SGCD: variants seen among roughly 807,000 people sequenced by gnomAD.
The protein encoded by SGCD is delta-sarcoglycan.
SGCD carries 18 observed loss-of-function variants against 36.6 expected under a neutral mutation model. The ratio of observed to expected loss-of-function variants is 0.49; its 90% confidence interval spans 0.34 to 0.73. The LOEUF is 0.73. Among genes scored for constraint, SGCD ranks in the 30% least tolerant of loss-of-function variants. The pLI is 0.01. For missense variants in SGCD, 387 were observed against 346.7 expected, an observed-to-expected ratio of 1.12 and a Z score of -0.92; for synonymous variants, 133 against 130.6, an observed-to-expected ratio of 1.02 and a Z score of -0.12.
chr5:156,466,109 C>T (rs555276081), intron 3 of SGCD, among the ~76,000 whole-genome samples: 28 of 152,238 alleles, frequency 1.8e-4, no homozygotes, highest in African/African-American at 6.7e-4. Context: ...TAGATAACAC[C>T]GGAAGGCAGC....
intron 1 of SGCD, among the ~76,000 whole-genome samples, chr5:156,012,549 A>T (rs965242095): frequency 1.3e-5 from 2 of 152,176 alleles, no homozygotes. Context: ...GTATTCAGAC[A>T]TATCTATGTC....
intron 3 of SGCD, among the ~76,000 whole-genome samples, chr5:156,463,450 A>G (rs991305058): frequency 1.3e-5 from 2 of 152,108 alleles, no homozygotes; most frequent in African/African-American, 2.4e-5. Context: ...ATAAAGTTCT[A>G]TGGGATTTAG....
At chr5:155,915,318 G>A (rs987917329) in intron 1 of SGCD, among the ~76,000 whole-genome samples, 18 of 151,968 alleles carry the variant, frequency 1.2e-4, no homozygotes, top group Middle Eastern at 3.2e-3. Context: ...AAGGTTTTTC[G>A]TTCCCCAAGA....
At chr5:156,069,973 T>G (rs1160483225) in intron 1 of SGCD, among the ~76,000 whole-genome samples, 3 of 152,082 alleles carry the variant, frequency 2.0e-5, no homozygotes, top group East Asian at 1.9e-4. Context: ...TTTTTGTACA[T>G]TGATTTTGTA....
intron 6 of SGCD, among the ~76,000 whole-genome samples, chr5:156,616,444 A>G (rs73299187): frequency 0.052 from 7,895 of 152,228 alleles, 684 homozygotes; most frequent in African/African-American, 0.18. Context: ...AAAAAAATGC[A>G]AATACTTGTT....
chr5:156,238,895 C>G (rs1295217099), intron 3 of SGCD, among the ~76,000 whole-genome samples: 1 of 152,092 alleles, frequency 6.6e-6, no homozygotes, highest in Non-Finnish European at 1.5e-5. Flanking sequence ...GGAAGAATTC[C>G]TCAAACAGTG....
rs1184936708 is a variant in SGCD at position 156,672,097 on chromosome 5, G to T, written c.575+24561G>T. Among the ~76,000 whole-genome samples, 3 of 152,162 alleles carry T rather than the reference G, an allele frequency of 2.0e-5. No individual in the cohort carries two copies. In the East Asian group the frequency reaches 5.8e-4, roughly 29 times the overall value. ...AATTTGAAAAGGATAAATATCCAAA[G>T]TATATCAGACCCCAAATGTCAGAAT... On this transcript the variant is annotated intron_variant, in intron 7 of 8. Transcript: ENST00000337851.
intron 7 of SGCD, among the ~76,000 whole-genome samples, chr5:156,691,063 C>G (rs1754086932): frequency 6.6e-6 from 1 of 151,620 alleles, no homozygotes; most frequent in South Asian, 2.1e-4. Flanking sequence ...AAAAATTAGC[C>G]AAGAGTGGTG....
chr5:156,329,453 T>G, intron 1 of SGCD, 81 bp from the exon 2 acceptor site: 3 of 965,556 alleles, frequency 3.1e-6, no homozygotes, highest in Non-Finnish European at 5.0e-6. Flanking sequence ...AGAATGGCAT[T>G]GCCTGAGGGT....
At chr5:156,246,702 A>G (rs1442374292) in intron 3 of SGCD, among the ~76,000 whole-genome samples, 1 of 152,206 alleles carries the variant, frequency 6.6e-6, no homozygotes, top group Non-Finnish European at 1.5e-5. Context: ...TTTTGTTAAA[A>G]AATGTCTTTT....
intron 3 of SGCD, among the ~76,000 whole-genome samples, chr5:156,234,006 A>T (rs1191277264): frequency 6.6e-6 from 1 of 152,236 alleles, no homozygotes; most frequent in Non-Finnish European, 1.5e-5. Context: ...TTACATTCTC[A>T]TCAGCAGTGA....
chr5:156,618,613 G>C (rs1052336101), intron 6 of SGCD, among the ~76,000 whole-genome samples: 4 of 113,594 alleles, frequency 3.5e-5, no homozygotes, highest in Non-Finnish European at 7.4e-5. Flanking sequence ...AAAAAAAAAA[G>C]AGCCAGTCCG....
chr5:155,920,485 T>A (rs1046366990), intron 1 of SGCD, among the ~76,000 whole-genome samples: 13 of 151,958 alleles, frequency 8.6e-5, no homozygotes, highest in Non-Finnish European at 1.2e-4. Context: ...GCTGGGGAGT[T>A]GAATGTGGAA....
chr5:156,441,004 G>A (rs901779562), intron 3 of SGCD, among the ~76,000 whole-genome samples: 8 of 151,966 alleles, frequency 5.3e-5, no homozygotes, highest in Non-Finnish European at 1.0e-4. Context: ...TTGTGCTTTT[G>A]GTGTCATATC....
At chr5:156,145,343 C>G (rs1324708506) in intron 3 of SGCD, among the ~76,000 whole-genome samples, 1 of 152,182 alleles carries the variant, frequency 6.6e-6, no homozygotes, top group African/African-American at 2.4e-5. Flanking sequence ...TGAGCTGATG[C>G]TGCCATGCTT....
At chr5:156,069,575 T>G (rs977917009) in intron 1 of SGCD, among the ~76,000 whole-genome samples, 1 of 152,098 alleles carries the variant, frequency 6.6e-6, no homozygotes, top group African/African-American at 2.4e-5. Context: ...CCAGCTTTGT[T>G]CTTTTGGCTT....
chr5:156,571,111 A>G (rs545060061), intron 4 of SGCD, among the ~76,000 whole-genome samples: 23 of 152,200 alleles, frequency 1.5e-4, no homozygotes, highest in African/African-American at 5.3e-4. Context: ...CAGTGGCTCA[A>G]TCTCAGCTCA....
At chr5:156,140,958 G>T (rs554013623) in intron 3 of SGCD, among the ~76,000 whole-genome samples, 1 of 152,016 alleles carries the variant, frequency 6.6e-6, no homozygotes, top group Non-Finnish European at 1.5e-5. Flanking sequence ...AGTTTTAAGA[G>T]GGGGGGCCCA....
At chr5:156,130,274 C>T (rs1332207766) in intron 3 of SGCD, among the ~76,000 whole-genome samples, 1 of 152,018 alleles carries the variant, frequency 6.6e-6, no homozygotes, top group African/African-American at 2.4e-5. Flanking sequence ...TGCTTTTTGG[C>T]CACATGTATT....
Sources: gnomAD v4.1 joint callset for allele counts (sites outside exome capture counted in the v4.1 genomes callset) on GRCh38, gnomAD v4.1.1 for gene constraint, MANE v1.5 for transcripts, NCBI Gene and HGNC (gene_info 2026-07-23, HGNC 2026-07-21) for gene names.